APBA1: variants seen among roughly 807,000 people sequenced by gnomAD.
APBA1 encodes the protein amyloid beta precursor protein binding family A member 1.
APBA1 carries 55 observed loss-of-function variants against 86.6 expected under a neutral mutation model. That is an observed-to-expected ratio of 0.64 (90% CI 0.51 to 0.80). The LOEUF is 0.80. Among genes scored for constraint, APBA1 ranks in the 30% least tolerant of loss-of-function variants. The pLI is 0.00. For synonymous variants in APBA1, 511 were observed against 493.9 expected (o/e 1.03, Z -0.46); for missense variants, 1,090 against 1,183.0 (o/e 0.92, Z 1.15).
chr9:69,548,866 A>G (rs548529742), intron 1 of APBA1, among the ~76,000 whole-genome samples: 37 of 152,346 alleles, frequency 2.4e-4, no homozygotes, highest in African/African-American at 8.9e-4. Context: ...AGTTCATTTG[A>G]CTTCGGATCT....
chr9:69,609,585 T>C (rs1017041165), intron 1 of APBA1, among the ~76,000 whole-genome samples: 3 of 152,224 alleles, frequency 2.0e-5, no homozygotes, highest in Admixed American at 2.0e-4. Context: ...AAACATTTTC[T>C]TTTAGAGTCC....
rs567980632 is a variant in APBA1 at position 69,456,113 on chromosome 9, G to C, written c.1788+134C>G. The C allele has an allele frequency of 6.7e-5, 68 of 1,013,626 alleles. No homozygotes were observed. The African/African-American group carries it at 1.0e-3, about 16-fold the overall frequency. 62.8% of individuals were successfully genotyped at this position (1,013,626 alleles called of 1,614,324 possible). On this transcript the variant is annotated intron_variant, in intron 8 of 12. Transcript: ENST00000265381. The stretch of plus-strand genomic sequence containing the variant: ...TGTTTTACTCAGCCTTATATCTCTA[G>C]TGCTGGAACAGTGCCTGACACACAG...
chr9:69,618,073 A>G (rs1051368279), intron 1 of APBA1, among the ~76,000 whole-genome samples: 2 of 152,204 alleles, frequency 1.3e-5, no homozygotes, highest in Non-Finnish European at 2.9e-5. Flanking sequence ...GAACAGTACC[A>G]TGACTGAATA....
chr9:69,548,870 C>T (rs768954266), intron 1 of APBA1, among the ~76,000 whole-genome samples: 1 of 152,210 alleles, frequency 6.6e-6, no homozygotes, highest in Non-Finnish European at 1.5e-5. Flanking sequence ...CATTTGACTT[C>T]GGATCTCATC....
intron 1 of APBA1, among the ~76,000 whole-genome samples, chr9:69,662,893 C>T (rs1306561129): frequency 6.6e-6 from 1 of 152,174 alleles, no homozygotes; most frequent in East Asian, 1.9e-4. Flanking sequence ...CCCTTTTCCA[C>T]ACTAATGTAA....
chr9:69,533,084 G>A (rs1397788786), intron 1 of APBA1, among the ~76,000 whole-genome samples: 2 of 152,176 alleles, frequency 1.3e-5, no homozygotes, highest in African/African-American at 4.8e-5. Flanking sequence ...GATACACAAA[G>A]AAGGTGATCT....
At chr9:69,658,272 C>T (rs1399133630) in intron 1 of APBA1, among the ~76,000 whole-genome samples, 1 of 85,492 alleles carries the variant, frequency 1.2e-5, no homozygotes, top group Non-Finnish European at 2.4e-5. Flanking sequence ...TTCTTTCTTT[C>T]TTTCTTTCTT....
chr9:69,657,878 A>G (rs1330187308), intron 1 of APBA1, among the ~76,000 whole-genome samples: 1 of 152,238 alleles, frequency 6.6e-6, no homozygotes, highest in African/African-American at 2.4e-5. Flanking sequence ...ATAAAGGTAT[A>G]CATCAGGTAT....
In APBA1 at chr9:69,658,304, C is replaced by CTTTCTTTCTTTCTTTCTT. The variant is rs1554709959; in HGVS notation, c.-70+13848_-70+13849insAAGAAAGAAAGAAAGAAA. Among the ~76,000 whole-genome samples, 50 of 80,032 alleles carry CTTTCTTTCTTTCTTTCTT rather than the reference C, an allele frequency of 6.2e-4. 4 individuals carry two copies. The highest frequency in any genetic ancestry group is 9.5e-4 in the Non-Finnish European group (37 of 39,064). The allele number at this position is 80,032 out of a possible 152,430, so 52.5% of individuals were successfully genotyped here. On this transcript the variant is annotated intron_variant, in intron 1 of 12. Coordinates refer to ENST00000265381, the MANE Select transcript of APBA1 (RefSeq NM_001163.4). ...TCTTTCTCTCTCTCTTTCTCTCTCT[C>CTTTCTTTCTTTCTTTCTT]TCTTTCTTTCTTTCTTTCTTTCTTT...
At chr9:69,499,153 T>C (rs941939570) in intron 2 of APBA1, among the ~76,000 whole-genome samples, 4 of 152,152 alleles carry the variant, frequency 2.6e-5, no homozygotes, top group Non-Finnish European at 5.9e-5. Flanking sequence ...GAGCCAACAC[T>C]GGAATGTATA....
At chr9:69,441,743 G>A (rs1287659408) in intron 10 of APBA1, among the ~76,000 whole-genome samples, 2 of 152,218 alleles carry the variant, frequency 1.3e-5, no homozygotes, top group Non-Finnish European at 2.9e-5. Flanking sequence ...TGTAGGATGG[G>A]TGTTGATGGA....
chr9:69,490,698 C>T (rs1341621985), intron 2 of APBA1, among the ~76,000 whole-genome samples: 1 of 152,020 alleles, frequency 6.6e-6, no homozygotes, highest in African/African-American at 2.4e-5. Context: ...TTTTTGCAAT[C>T]CACTCCTCTG....
In APBA1 at chr9:69,455,159, G is replaced by GGC. The variant is rs1835074427; in HGVS notation, c.1788+1087_1788+1088insGC. ...AGACGAATGCTGTACTGGAGAAGAAGGGCCTCTTTGAAGGAACCAAGGCTA... is the reference window on the plus strand; with the variant it reads ...AGACGAATGCTGTACTGGAGAAGAAGGCGGCCTCTTTGAAGGAACCAAGGCTA... On this transcript the variant is annotated intron_variant, in intron 8 of 12. Transcript: ENST00000265381. Among the ~76,000 whole-genome samples, 4 of 152,250 alleles carry GGC rather than the reference G, an allele frequency of 2.6e-5. No individual in the cohort carries two copies. The South Asian group carries it at 8.3e-4, about 32-fold the overall frequency.
At chr9:69,645,523 A>G (rs1474933443) in intron 1 of APBA1, among the ~76,000 whole-genome samples, 3 of 152,208 alleles carry the variant, frequency 2.0e-5, no homozygotes, top group South Asian at 2.1e-4. Flanking sequence ...GAGAGAAAAA[A>G]AGCTAGAGAC....
At chr9:69,531,557 C>G (rs1244589330) in intron 1 of APBA1, among the ~76,000 whole-genome samples, 3 of 152,156 alleles carry the variant, frequency 2.0e-5, no homozygotes, top group African/African-American at 7.2e-5. Flanking sequence ...AGCACTCCAG[C>G]CTTGTCCTCC....
At chr9:69,459,727 C>A (rs1479267997) in intron 5 of APBA1, among the ~76,000 whole-genome samples, 1 of 152,212 alleles carries the variant, frequency 6.6e-6, no homozygotes, top group Non-Finnish European at 1.5e-5. Context: ...TTGAGGCAAG[C>A]CACTGAACAT....
rs114454749 is a variant in APBA1 at position 69,493,430 on chromosome 9, T to C, written c.1201-17287A>G. Among the ~76,000 whole-genome samples the C allele has an allele frequency of 3.8e-3, 579 of 152,194 alleles. 4 individuals carry two copies. Among genetic ancestry groups the C allele is most frequent in the African/African-American group, 0.013 (556 of 41,512 alleles). ...AGCAGTCCAACCCCATTTCAAATAG[T>C]ACTTTTTTCATACAGCCTTCTTAGA... is the stretch of plus-strand genomic sequence containing the variant. On this transcript the variant is annotated intron_variant, in intron 2 of 12. Transcript: ENST00000265381.
At chr9:69,511,986 G>A (rs917327306) in intron 2 of APBA1, among the ~76,000 whole-genome samples, 16 of 151,938 alleles carry the variant, frequency 1.1e-4, no homozygotes, top group African/African-American at 3.6e-4. Context: ...TGACGAGTTA[G>A]TGGGTGCAGC....
chr9:69,606,788 G>A (rs1822485565), intron 1 of APBA1, among the ~76,000 whole-genome samples: 1 of 152,094 alleles, frequency 6.6e-6, no homozygotes, highest in African/African-American at 2.4e-5. Context: ...CACCGTGCCT[G>A]GCCGGGAGCT....
Sources: gnomAD v4.1 joint callset for allele counts (sites outside exome capture counted in the v4.1 genomes callset) on GRCh38, gnomAD v4.1.1 for gene constraint, MANE v1.5 for transcripts, NCBI Gene and HGNC (gene_info 2026-07-23, HGNC 2026-07-21) for gene names.